AFP: variants seen among roughly 807,000 people sequenced by gnomAD.
AFP encodes the protein alpha-fetoprotein.
AFP carries 64 observed loss-of-function variants against 78.9 expected under a neutral mutation model. The observed-to-expected ratio is 0.81, with a 90% CI of 0.66 to 1.00. The LOEUF is 1.00. Ranked by LOEUF, AFP falls within the 50% of genes least tolerant of loss-of-function variation. The pLI is 0.00. For synonymous variants in AFP, 254 were observed against 243.8 expected (o/e 1.04, Z -0.39); for missense variants, 689 against 703.8 (o/e 0.98, Z 0.24).
At position 73,455,244 on chromosome 4, in the gene AFP, A is replaced by T. The variant is rs1560399148; in HGVS notation, c.1794A>T (p.Lys598Asn). The T allele has an allele frequency of 6.2e-7, 1 of 1,611,964 alleles. No homozygotes were observed. Among genetic ancestry groups the T allele is most frequent in the South Asian group, 1.1e-5 (1 of 91,046 alleles). The change falls in exon 14 of 15, where the codon AAA becomes AAT. Residue 598 changes from lysine to asparagine, a missense_variant. Lys to Asn is a moderately conservative substitution (Grantham distance 94, BLOSUM62 0). Transcript: ENST00000395792. Reference sequence around the variant, plus strand: ...TTATTCTTAATTTTCAGGGACAAAAACTGATTTCAAAAACTCGTGCTGCTT... The same window carrying T: ...TTATTCTTAATTTTCAGGGACAAAATCTGATTTCAAAAACTCGTGCTGCTT... Reference protein sequence around the residue: ...QEVCFAEEGQKLISKTRAALG... With the variant: ...QEVCFAEEGQNLISKTRAALG...
At chr4:73,441,011 G>A (rs559009199) in intron 4 of AFP, among the ~76,000 whole-genome samples, 198 bp downstream of exon 4, 2 of 152,220 alleles carry the variant, frequency 1.3e-5, no homozygotes, top group African/African-American at 4.8e-5. Flanking sequence ...CACGCTAGAT[G>A]TAGTACAAAC....
chr4:73,455,647 A>G lies in AFP; in HGVS notation c.*27A>G, dbSNP rs1560399338. ...ATATTGCAGGGGAAGAGAAGACAAA[A>G]CGAGTCTTTCATTCGGTGTGAACTT... is the stretch of plus-strand genomic sequence containing the variant. On this transcript the variant is annotated 3_prime_UTR_variant, in exon 15 of 15. Coordinates refer to ENST00000395792, the MANE Select transcript of AFP (RefSeq NM_001134.3). 2 of 696,094 alleles carry G rather than the reference A, an allele frequency of 2.9e-6. No homozygotes were observed. Among genetic ancestry groups the G allele is most frequent in the Non-Finnish European group, 5.2e-6 (2 of 383,246 alleles). 43.1% of individuals were successfully genotyped at this position (696,094 alleles called of 1,614,324 possible). A position where few individuals can be genotyped will look rare whatever the true frequency, so the allele number is the denominator to read the frequency against.
Position 73,453,765 on chromosome 4 carries a change from G to A in AFP, c.1653G>A (p.Glu551=), listed in dbSNP as rs377430589. 3.1e-6 allele frequency: 5 copies of A among 1,613,310 alleles called. No individual in the cohort carries two copies. The highest frequency in any genetic ancestry group is 2.2e-5 in the East Asian group (1 of 44,860). The change falls in exon 13 of 15, where the codon GAG becomes GAA. Residue 551 remains glutamate (E), a splice_region_variant and synonymous_variant. Coordinates refer to ENST00000395792, the MANE Select transcript of AFP (RefSeq NM_001134.3). ...TATTTTGTTTTGTTTTAAATCACAG[G>A]TTTCTCATTAACCTTGTGAAGCAAA... The part of the protein sequence containing the change: ...QGVALQTMKQ[E]FLINLVKQKP...
intron 6 of AFP, 23 bp downstream of exon 6, chr4:73,443,467 G>A: frequency 6.4e-7 from 1 of 1,552,678 alleles, no homozygotes; most frequent in Non-Finnish European, 8.9e-7. Context: ...TCTATCTAGG[G>A]AAGAGGGTGA....
intron 2 of AFP, 80 bp from the exon 3 acceptor site, chr4:73,438,094 A>G: frequency 6.4e-7 from 1 of 1,572,514 alleles, no homozygotes. Context: ...AACAAAACAA[A>G]CAAATGAAAA....
At position 73,443,275 on chromosome 4, in the gene AFP, T is replaced by C. The variant is rs892007265; in HGVS notation, c.616-72T>C. On this transcript the variant is annotated intron_variant, in intron 5 of 14. Coordinates refer to ENST00000395792, the MANE Select transcript of AFP (RefSeq NM_001134.3). ...TTCATTTTACCTATACTTGTTGTTT[T>C]TCTAAATATTAGAGCTTGTAAAGAA... 1.4e-5 allele frequency: 17 copies of C among 1,190,314 alleles called. No individual in the cohort carries two copies. In the African/African-American group the frequency reaches 2.4e-4, roughly 17 times the overall value. 73.7% of individuals were successfully genotyped at this position (1,190,314 alleles called of 1,614,324 possible). A position where few individuals can be genotyped will look rare whatever the true frequency, so the allele number is the denominator to read the frequency against.
Position 73,450,562 on chromosome 4 carries a change from C to T in AFP, c.1290-53C>T, listed in dbSNP as rs533564268. On this transcript the variant is annotated intron_variant, in intron 10 of 14. Transcript: ENST00000395792. ...GAGTCTGTGAGAAGAAGCAAGGCGG[C>T]TAAAAACTCATGAATGACTCAGCAG... The T allele has an allele frequency of 1.5e-5, 25 of 1,613,342 alleles. No individual in the cohort carries two copies. In the African/African-American group the frequency reaches 3.2e-4, roughly 21 times the overall value.
chr4:73,455,840 T>C lies in AFP; in HGVS notation c.*220T>C, dbSNP rs57618101. 668 of 580,414 alleles carry C rather than the reference T, an allele frequency of 1.2e-3. 4 individuals carry two copies. Among genetic ancestry groups the C allele is most frequent in the African/African-American group, 0.011 (595 of 52,616 alleles). 36.0% of individuals were successfully genotyped at this position (580,414 alleles called of 1,614,324 possible). ...ATAATTTCTTTAGTTTTGTATACCA[T>C]TGTCTGAAGCAGATTCTGTTAAAAT... On this transcript the variant is annotated 3_prime_UTR_variant, in exon 15 of 15. Transcript: ENST00000395792.
chr4:73,450,586 A>G (rs1719962832), intron 10 of AFP, 29 bp from the exon 11 acceptor site: 2 of 1,613,934 alleles, frequency 1.2e-6, no homozygotes, highest in Non-Finnish European at 1.7e-6. Context: ...ATGACTCAGC[A>G]GGACTTAGTT....
chr4:73,450,509 A>T (rs1719960950), intron 10 of AFP, 106 bp from the exon 11 acceptor site: 1 of 1,521,868 alleles, frequency 6.6e-7, no homozygotes, highest in Non-Finnish European at 9.1e-7. Context: ...AAACGAGCTG[A>T]CCTCATGTCT....
At chr4:73,451,004 T>C (rs1719975599) in intron 11 of AFP, among the ~76,000 whole-genome samples, 1 of 152,240 alleles carries the variant, frequency 6.6e-6, no homozygotes. Flanking sequence ...GAGCCAACTT[T>C]ATATATCGGA....
intron 11 of AFP, among the ~76,000 whole-genome samples, chr4:73,451,547 TCCCATGCTGGGA>T (rs1012021215): frequency 6.6e-6 from 1 of 152,208 alleles, no homozygotes; most frequent in African/African-American, 2.4e-5. Context: ...TTGTTGAATT[TCCCATGCTGGGA>T]GGCTGCAGGG....
intron 4 of AFP, among the ~76,000 whole-genome samples, chr4:73,441,966 C>T (rs773585409): frequency 6.6e-6 from 1 of 152,196 alleles, no homozygotes; most frequent in Non-Finnish European, 1.5e-5. Flanking sequence ...TCTGGCTTTG[C>T]TGATCCCTGA....
rs16849445 is a variant in AFP, at chr4:73,455,167, G to T, written c.1786-69G>T. Reference sequence around the variant, plus strand: ...ACCTATGAATTCACCCCGGATTGTAGAGTGTTAACTGTATGATTGGTATAA... The same window carrying T: ...ACCTATGAATTCACCCCGGATTGTATAGTGTTAACTGTATGATTGGTATAA... On this transcript the variant is annotated intron_variant, in intron 13 of 14. Transcript: ENST00000395792. The T allele has an allele frequency of 3.1e-4, 375 of 1,197,746 alleles. 1 individual carries two copies. The African/African-American group carries it at 4.9e-3, about 16-fold the overall frequency. The allele number at this position is 1,197,746 out of a possible 1,614,324, so 74.2% of individuals were successfully genotyped here.
intron 14 of AFP, 73 bp from the exon 15 acceptor site, chr4:73,455,558 A>G: frequency 4.5e-6 from 3 of 660,792 alleles, no homozygotes; most frequent in Non-Finnish European, 8.0e-6. Flanking sequence ...CTCTGATATA[A>G]AATAATAGAA....
intron 4 of AFP, among the ~76,000 whole-genome samples, chr4:73,441,686 T>G (rs1274215862): frequency 1.3e-5 from 2 of 152,148 alleles, no homozygotes; most frequent in Admixed American, 1.3e-4. Context: ...TTCTTCTTCT[T>G]TCCCCCATTT....
intron 7 of AFP, among the ~76,000 whole-genome samples, chr4:73,446,238 A>G (rs999841182): frequency 6.6e-6 from 1 of 152,212 alleles, no homozygotes; most frequent in African/African-American, 2.4e-5. Flanking sequence ...CATACTAGGA[A>G]AACCAACAAG....
intron 2 of AFP, 91 bp from the exon 3 acceptor site, chr4:73,438,083 A>G (rs1719559400): frequency 6.4e-7 from 1 of 1,552,280 alleles, no homozygotes. Flanking sequence ...CATAAATAGA[A>G]AACAAAACAA....
chr4:73,446,269 A>G (rs1347401576), intron 7 of AFP, among the ~76,000 whole-genome samples: 1 of 152,102 alleles, frequency 6.6e-6, no homozygotes, highest in East Asian at 1.9e-4. Context: ...TTTTTCTTTG[A>G]GCTCAGTTTT....
Sources: allele counts gnomAD v4.1 joint callset (sites outside exome capture counted in the v4.1 genomes callset), GRCh38; gene constraint gnomAD v4.1.1; transcripts MANE v1.5; gene names NCBI Gene and HGNC (gene_info 2026-07-23, HGNC 2026-07-21).